The following FAT2 variants were observed in gnomAD, a reference collection of about 807,000 sequenced individuals.
FAT2 encodes protocadherin Fat 2.
Under a neutral mutation model 295.3 loss-of-function variants are expected in FAT2, and 150 were observed. The ratio of observed to expected loss-of-function variants is 0.51; its 90% CI spans 0.44 to 0.58. The LOEUF is 0.58. Ranked by LOEUF, FAT2 falls within the 20% of genes least tolerant of loss-of-function variation. The pLI is 0.00. For synonymous variants in FAT2, 2,026 were observed against 2,150.3 expected (o/e 0.94, Z 1.60); for missense variants, 4,868 against 5,442.7 (o/e 0.89, Z 3.32).
In FAT2 at chr5:151,507,160, C is replaced by A; in HGVS notation, c.12511G>T (p.Glu4171Ter). 1 of 1,579,902 alleles carries A rather than the reference C, an allele frequency of 6.3e-7. No homozygotes were observed. Among genetic ancestry groups the A allele is most frequent in the Non-Finnish European group, 8.6e-7 (1 of 1,161,834 alleles). Residue 4171 changes from glutamate (E) to a stop codon, truncating the protein, a stop_gained, in exon 23 of 24, where the codon GAG becomes TAG. Coordinates refer to ENST00000261800, the MANE Select transcript of FAT2 (RefSeq NM_001447.3). LOFTEE classifies it high-confidence loss of function. ...PVIKRTWSSEEMVYPGGAMVW... is the reference protein window; with the variant it reads ...PVIKRTWSSE ...CGTCTCTGGCTATACTGACCCATCT[C>A]CTCGCTGGACCAGGTTCTCTTAATG...
At chr5:151,513,115 CAG>C (rs1211054319) in intron 20 of FAT2, among the ~76,000 whole-genome samples, 1 of 152,162 alleles carries the variant, frequency 6.6e-6, no homozygotes, top group Non-Finnish European at 1.5e-5. Context: ...AAGTATACAA[CAG>C]AGTTTTGGAG....
chr5:151,517,197 A>G (rs1752958779), intron 20 of FAT2, among the ~76,000 whole-genome samples: 1 of 152,236 alleles, frequency 6.6e-6, no homozygotes, highest in East Asian at 1.9e-4. Flanking sequence ...TCCACATGAC[A>G]TAATCCAAAT....
chr5:151,506,812 C>T (rs186777236), intron 23 of FAT2, among the ~76,000 whole-genome samples: 22 of 152,344 alleles, frequency 1.4e-4, no homozygotes, highest in Middle Eastern at 3.4e-3. Context: ...GAAGCTTAGA[C>T]CACTTCTCCT....
intron 22 of FAT2, among the ~76,000 whole-genome samples, chr5:151,508,260 T>C (rs539172194): frequency 6.6e-6 from 1 of 152,306 alleles, no homozygotes; most frequent in Admixed American, 6.5e-5. Flanking sequence ...TCACTACCAG[T>C]TGTTTGTTAT....
intron 1 of FAT2, among the ~76,000 whole-genome samples, chr5:151,587,118 G>T (rs895254678): frequency 6.6e-6 from 1 of 151,578 alleles, no homozygotes; most frequent in African/African-American, 2.4e-5. Flanking sequence ...CTCCAACCTG[G>T]GCAACAGAAT....
At chr5:151,515,690 G>C (rs1483837867) in intron 20 of FAT2, among the ~76,000 whole-genome samples, 1 of 152,062 alleles carries the variant, frequency 6.6e-6, no homozygotes, top group African/African-American at 2.4e-5. Flanking sequence ...CAAAATCTTT[G>C]TAGAATCTAT....
At chr5:151,530,661 A>G (rs1360227341) in intron 14 of FAT2, among the ~76,000 whole-genome samples, 1 of 152,232 alleles carries the variant, frequency 6.6e-6, no homozygotes. Context: ...GGTGATATTA[A>G]GAAATTGTTA....
intron 1 of FAT2, among the ~76,000 whole-genome samples, chr5:151,578,176 C>G (rs962319950): frequency 6.6e-6 from 1 of 152,144 alleles, no homozygotes; most frequent in African/African-American, 2.4e-5. Context: ...TCCAGGAGGA[C>G]TAGAAAGCTT....
chr5:151,592,434 T>TC (rs1393721056), upstream of FAT2, among the ~76,000 whole-genome samples: 10 of 151,656 alleles, frequency 6.6e-5, no homozygotes, highest in African/African-American at 2.2e-4. Context: ...ATCCCCTCCC[T>TC]CCCCCCAGGT....
chr5:151,575,680 C>T (rs1467529036), intron 1 of FAT2, among the ~76,000 whole-genome samples: 2 of 152,168 alleles, frequency 1.3e-5, no homozygotes, highest in South Asian at 2.1e-4. Flanking sequence ...CAGGTTCACT[C>T]GTCTAGTAGG....
At chr5:151,556,492 A>C in intron 3 of FAT2, 90 bp from the exon 4 acceptor site, 10 of 827,092 alleles carry the variant, frequency 1.2e-5, no homozygotes, top group Non-Finnish European at 2.0e-5. Flanking sequence ...TTCAAATCTC[A>C]GATAAGAATT....
In FAT2 at chr5:151,568,916, G is replaced by T; in HGVS notation, c.16C>A (p.Leu6Met). ...TGGAGCAAGAATATGGCAAAACCCA[G>T]CAGGGCAATAGTCATGGTGGAAAAC... is the stretch of plus-strand genomic sequence containing the variant. MTIAL[L>M]GFAIFLLHCA... Residue 6 changes from leucine (L) to methionine (M), a missense_variant, in exon 2 of 24, where the codon CTG becomes ATG. Leu to Met is a conservative substitution (Grantham distance 15). Coordinates refer to ENST00000261800, the MANE Select transcript of FAT2 (RefSeq NM_001447.3). The T allele has an allele frequency of 1.9e-6, 3 of 1,609,730 alleles. No homozygotes were observed. The highest frequency in any genetic ancestry group is 1.7e-6 in the Non-Finnish European group (2 of 1,177,910).
In FAT2 at chr5:151,567,366, A is replaced by G. The variant is rs201949863; in HGVS notation, c.1566T>C (p.Tyr522=). The G allele has an allele frequency of 9.3e-6, 15 of 1,614,232 alleles. No individual in the cohort carries two copies. The East Asian group carries it at 3.1e-4, about 34-fold the overall frequency. The change falls in exon 2 of 24, where the codon TAT becomes TAC. Residue 522 remains tyrosine (Y), a synonymous_variant. Transcript: ENST00000261800. The stretch of plus-strand genomic sequence containing the variant: ...AGGTATAAATTCTTTTCATGAGTTC[A>G]TAGTCCATGGGTTTGGAGGTGGAGA... ...GIISTSKPMD[Y]ELMKRIYTFR...
At chr5:151,526,893 GAAAC>G (rs1263317958) in intron 17 of FAT2, among the ~76,000 whole-genome samples, 1 of 152,036 alleles carries the variant, frequency 6.6e-6, no homozygotes, top group Non-Finnish European at 1.5e-5. Flanking sequence ...TTGGGTTCTG[GAAAC>G]AAACAAAAAA....
At chr5:151,554,941 C>T (rs932491510) in intron 4 of FAT2, among the ~76,000 whole-genome samples, 1 of 152,208 alleles carries the variant, frequency 6.6e-6, no homozygotes, top group Admixed American at 6.5e-5. Flanking sequence ...GGGACAACCC[C>T]TGGGCCATTT....
chr5:151,558,866 T>G (rs1757899747), intron 3 of FAT2, among the ~76,000 whole-genome samples: 1 of 152,054 alleles, frequency 6.6e-6, no homozygotes. Context: ...TCAGGGAAGT[T>G]GAGGTGGAGG....
upstream of FAT2, among the ~76,000 whole-genome samples, chr5:151,592,403 A>G (rs773250050): frequency 2.0e-5 from 3 of 151,710 alleles, no homozygotes; most frequent in Non-Finnish European, 4.4e-5. Context: ...ACTGAAAGCA[A>G]CTCTGCAACC....
At chr5:151,558,943 C>G (rs1332592969) in intron 3 of FAT2, among the ~76,000 whole-genome samples, 2 of 152,234 alleles carry the variant, frequency 1.3e-5, no homozygotes, top group South Asian at 2.1e-4. Flanking sequence ...TGGACGGTCT[C>G]TTGTAAATGA....
intron 12 of FAT2, among the ~76,000 whole-genome samples, chr5:151,536,874 A>G (rs1755366068): frequency 6.6e-6 from 1 of 152,184 alleles, no homozygotes; most frequent in Non-Finnish European, 1.5e-5. Flanking sequence ...CTGGGGCCTC[A>G]TTCTTTGTCC....
Sources: allele counts gnomAD v4.1 joint callset (sites outside exome capture counted in the v4.1 genomes callset), GRCh38; gene constraint gnomAD v4.1.1; transcripts MANE v1.5; gene names NCBI Gene and HGNC (gene_info 2026-07-23, HGNC 2026-07-21).